The following FYB1 variants were observed in gnomAD, a reference collection of about 807,000 sequenced individuals.
FYB1 encodes the protein FYN-binding protein 1.
In FYB1, 41 loss-of-function variants were observed where a neutral mutation model predicts 94.1. That is an observed-to-expected ratio of 0.44 (90% CI 0.34 to 0.57). The LOEUF (loss-of-function observed/expected upper bound fraction) is 0.57. Among genes scored for constraint, FYB1 ranks in the 20% least tolerant of loss-of-function variants. The pLI is 0.02. For synonymous variants in FYB1, 367 were observed against 353.2 expected, an observed-to-expected ratio of 1.04 and a Z score of -0.44; for missense variants, 1,050 against 976.8, an observed-to-expected ratio of 1.07 and a Z score of -1.00.
intron 2 of FYB1, among the ~76,000 whole-genome samples, chr5:39,184,951 A>G (rs1746611851): frequency 6.6e-6 from 1 of 152,194 alleles, no homozygotes; most frequent in Non-Finnish European, 1.5e-5. Flanking sequence ...ATCCTTCAGC[A>G]TCAATATACA....
At chr5:39,238,842 C>A (rs1035298686) in intron 1 of FYB1, among the ~76,000 whole-genome samples, 2 of 152,062 alleles carry the variant, frequency 1.3e-5, no homozygotes, top group Non-Finnish European at 2.9e-5. Flanking sequence ...AGGCTTTAAA[C>A]CACTTCTCCT....
chr5:39,227,484 CAT>C (rs386687402), intron 1 of FYB1, among the ~76,000 whole-genome samples: 6 of 139,008 alleles, frequency 4.3e-5, no homozygotes, highest in Non-Finnish European at 7.4e-5. Flanking sequence ...TATATACACA[CAT>C]ATGTGGCAAC....
At chr5:39,192,892 C>A (rs889409224) in intron 2 of FYB1, among the ~76,000 whole-genome samples, 1 of 152,206 alleles carries the variant, frequency 6.6e-6, no homozygotes, top group African/African-American at 2.4e-5. Context: ...AGGAATCTAC[C>A]TTTCTCATAG....
Position 39,201,866 on chromosome 5 carries a change from A to T in FYB1, c.1095T>A (p.Asn365Lys). 6.2e-7 allele frequency: 1 copy of T among 1,613,858 alleles called. No individual in the cohort carries two copies. The highest frequency in any genetic ancestry group is 8.5e-7 in the Non-Finnish European group (1 of 1,179,826). Residue 365 changes from asparagine to lysine, a missense_variant, in exon 2 of 19, where the codon AAT becomes AAA. Physicochemically the swap from Asn to Lys is moderately conservative, Grantham distance 94. Transcript: ENST00000512982. ...PPPPKPNRPPNVDLTKFHKTS... is the reference protein window; with the variant it reads ...PPPPKPNRPPKVDLTKFHKTS... ...TTTTGTGGAATTTCGTCAGGTCAACATTTGGTGGTCTGTTGGGTTTTGGTG... is the reference window on the plus strand; with the variant it reads ...TTTTGTGGAATTTCGTCAGGTCAACTTTTGGTGGTCTGTTGGGTTTTGGTG...
chr5:39,213,593 C>T (rs1412358454), intron 1 of FYB1, among the ~76,000 whole-genome samples: 2 of 152,182 alleles, frequency 1.3e-5, no homozygotes, highest in South Asian at 2.1e-4. Flanking sequence ...ACATCGTGGG[C>T]AATCTGAAAG....
Position 39,153,432 on chromosome 5 carries a change from A to G in FYB1, c.1292+16T>C. 2 of 1,612,528 alleles carry G rather than the reference A, an allele frequency of 1.2e-6. No homozygotes were observed. Among genetic ancestry groups the G allele is most frequent in the Middle Eastern group, 1.7e-4 (1 of 6,060 alleles). On this transcript the variant is annotated intron_variant, in intron 3 of 18. Transcript: ENST00000512982. Reference sequence around the variant, plus strand: ...AAGAGACTAGGAAAGAAATCGCAAGATAATCTTTTGCTTACTTTAGGTCAA... The same window carrying G: ...AAGAGACTAGGAAAGAAATCGCAAGGTAATCTTTTGCTTACTTTAGGTCAA...
In FYB1 at chr5:39,128,830, T is replaced by C. The variant is rs1049753916; in HGVS notation, c.1841-1023A>G. Reference sequence around the variant, plus strand: ...ACATGATGAAGGCTTATGAAGAAATTATTGATAAAAGTGCATGGTTTCCCA... The same window carrying C: ...ACATGATGAAGGCTTATGAAGAAATCATTGATAAAAGTGCATGGTTTCCCA... On this transcript the variant is annotated intron_variant, in intron 10 of 18. Transcript: ENST00000512982. Among the ~76,000 whole-genome samples the C allele has an allele frequency of 2.0e-5, 3 of 152,238 alleles. No homozygotes were observed. In the East Asian group the frequency reaches 5.8e-4, roughly 29 times the overall value.
intron 16 of FYB1, among the ~76,000 whole-genome samples, chr5:39,111,576 A>G (rs1475978446): frequency 6.6e-6 from 1 of 151,916 alleles, no homozygotes; most frequent in East Asian, 1.9e-4. Flanking sequence ...TAGGGTTAAA[A>G]AAAACTCCAC....
intron 1 of FYB1, among the ~76,000 whole-genome samples, chr5:39,271,196 A>C (rs954070119): frequency 3.8e-4 from 58 of 152,194 alleles, no homozygotes; most frequent in African/African-American, 1.4e-3. Context: ...ATTTAAATGA[A>C]GGAAACACTC....
chr5:39,114,490 G>A (rs1160658429), intron 16 of FYB1, among the ~76,000 whole-genome samples: 1 of 152,178 alleles, frequency 6.6e-6, no homozygotes, highest in Non-Finnish European at 1.5e-5. Context: ...GTTGAAGTAA[G>A]CTATGCTTTT....
At chr5:39,271,399 T>G (rs1752660045) in intron 1 of FYB1, among the ~76,000 whole-genome samples, 2 of 152,312 alleles carry the variant, frequency 1.3e-5, no homozygotes, top group South Asian at 4.1e-4. Context: ...TTTGGCCCCT[T>G]TAATTGGAAT....
intron 6 of FYB1, 172 bp downstream of exon 6, chr5:39,138,485 T>C (rs1366183020): frequency 2.0e-6 from 1 of 491,178 alleles, no homozygotes. Context: ...GTAGAATTCT[T>C]AGAGAACTAA....
At chr5:39,261,300 A>G (rs1752196700) in intron 1 of FYB1, among the ~76,000 whole-genome samples, 1 of 100,928 alleles carries the variant, frequency 9.9e-6, no homozygotes, top group Non-Finnish European at 2.0e-5. Context: ...AACTTAAAGT[A>G]GAATTAAAAA....
intron 16 of FYB1, among the ~76,000 whole-genome samples, chr5:39,118,471 A>G (rs1739768013): frequency 2.0e-5 from 3 of 152,174 alleles, no homozygotes; most frequent in Admixed American, 1.3e-4. Flanking sequence ...TAGTGTATAC[A>G]TGAACAAGCT....
At chr5:39,110,314 A>C (rs1183732869) in intron 17 of FYB1, 42 bp downstream of exon 17, 3 of 1,347,504 alleles carry the variant, frequency 2.2e-6, no homozygotes, top group Non-Finnish European at 3.1e-6. Context: ...AAAGGCACAA[A>C]ATTCTTTTCA....
In FYB1 at chr5:39,126,069, T is replaced by C. The variant is rs1740635920; in HGVS notation, c.1974A>G (p.Gly658=). Residue 658 remains glycine, a synonymous_variant, in exon 12 of 19, where the codon GGA becomes GGG. Coordinates refer to ENST00000512982, the MANE Select transcript of FYB1 (RefSeq NM_001465.6). The part of the protein sequence containing the change: ...WSWGILKMLK[G]KDDRKKSIRE... ...GTATACTTTTCTTTCTGTCATCTTT[T>C]CCCTTTAACATCTTCAAAATCCCCC... 5 of 1,613,514 alleles carry C rather than the reference T, an allele frequency of 3.1e-6. No homozygotes were observed. Among genetic ancestry groups the C allele is most frequent in the Non-Finnish European group, 4.2e-6 (5 of 1,179,614 alleles).
chr5:39,119,078 C>A, intron 15 of FYB1, 42 bp from the exon 16 acceptor site: 2 of 978,156 alleles, frequency 2.0e-6, no homozygotes, highest in African/African-American at 1.7e-5. Flanking sequence ...GGTTTATGTG[C>A]ATTATTGAAA....
intron 2 of FYB1, among the ~76,000 whole-genome samples, chr5:39,183,661 G>A (rs1408481591): frequency 1.3e-5 from 2 of 152,118 alleles, no homozygotes; most frequent in African/African-American, 4.8e-5. Flanking sequence ...CTAAAAAAAT[G>A]AGTTTCTATA....
chr5:39,152,888 T>C (rs1333581210), intron 3 of FYB1, among the ~76,000 whole-genome samples: 1 of 152,246 alleles, frequency 6.6e-6, no homozygotes, highest in Admixed American at 6.5e-5. Context: ...CACACTTACT[T>C]TGGATTCAGA....
Sources: gnomAD v4.1 joint callset for allele counts (sites outside exome capture counted in the v4.1 genomes callset) on GRCh38, gnomAD v4.1.1 for gene constraint, MANE v1.5 for transcripts, NCBI Gene and HGNC (gene_info 2026-07-23, HGNC 2026-07-21) for gene names.